The following SGCG variants were observed in gnomAD, a reference collection of about 807,000 sequenced individuals.
The protein encoded by SGCG is gamma-sarcoglycan.
Under a neutral mutation model 29.3 loss-of-function variants are expected in SGCG, and 26 were observed. That is an observed-to-expected ratio of 0.89 (90% CI 0.65 to 1.23). The LOEUF is 1.23. Ranked by LOEUF, SGCG falls within the 50% of genes most tolerant of loss-of-function variation. The pLI is 0.00. For synonymous variants in SGCG, 145 were observed against 129.7 expected, an observed-to-expected ratio of 1.12 and a Z score of -0.80; for missense variants, 353 against 356.0, an observed-to-expected ratio of 0.99 and a Z score of 0.07.
upstream of SGCG, among the ~76,000 whole-genome samples, chr13:23,176,764 T>G (rs1876570722): frequency 1.3e-5 from 2 of 152,204 alleles, no homozygotes; most frequent in Non-Finnish European, 2.9e-5. Context: ...TTATTCCTGC[T>G]ATTTTATTAA....
At chr13:23,165,568 T>C in the SGCG span, among the ~76,000 whole-genome samples, 1 of 150,908 alleles carries the variant, frequency 6.6e-6, no homozygotes, top group Non-Finnish European at 1.5e-5. Flanking sequence ...TCTGTTGCCC[T>C]GGCTGGAGTG....
At chr13:23,173,840 A>C in the SGCG span, among the ~76,000 whole-genome samples, 1 of 152,190 alleles carries the variant, frequency 6.6e-6, no homozygotes, top group African/African-American at 2.4e-5. Context: ...AATAATATTA[A>C]TTTTACCAAA....
chr13:23,263,942 C>G (rs567974559), intron 4 of SGCG, among the ~76,000 whole-genome samples: 1 of 151,940 alleles, frequency 6.6e-6, no homozygotes, highest in Non-Finnish European at 1.5e-5. Flanking sequence ...TAATAGAAGC[C>G]ATATATGACA....
chr13:23,263,460 A>G (rs1348121479), intron 4 of SGCG, among the ~76,000 whole-genome samples: 1 of 152,100 alleles, frequency 6.6e-6, no homozygotes, highest in African/African-American at 2.4e-5. Flanking sequence ...GACCAATAAC[A>G]AGCAATGAGA....
At chr13:23,239,528 C>T (rs1451704706) in intron 3 of SGCG, among the ~76,000 whole-genome samples, 2 of 152,070 alleles carry the variant, frequency 1.3e-5, no homozygotes, top group African/African-American at 2.4e-5. Flanking sequence ...TCTAGATGTT[C>T]ACCAGAAAAA....
chr13:23,211,795 A>G lies in SGCG; in HGVS notation c.195+7906A>G, dbSNP rs561700052. On this transcript the variant is annotated intron_variant, in intron 2 of 7. Coordinates refer to ENST00000218867, the MANE Select transcript of SGCG (RefSeq NM_000231.3). ...TTCTCTCTTGCTTCAGTGTTTTGGT[A>G]TATGCTCTTCTCTCTATCTAGAGCA... is the stretch of plus-strand genomic sequence containing the variant. Among the ~76,000 whole-genome samples, 12 of 152,212 alleles carry G rather than the reference A, an allele frequency of 7.9e-5. No individual in the cohort carries two copies. In the East Asian group the frequency reaches 2.3e-3, roughly 29 times the overall value.
chr13:23,223,308 T>G (rs1312738715), intron 2 of SGCG, among the ~76,000 whole-genome samples: 1 of 142,324 alleles, frequency 7.0e-6, no homozygotes, highest in Non-Finnish European at 1.5e-5. Context: ...AGAGTACAAA[T>G]AGAGGCCCAT....
intron 4 of SGCG, among the ~76,000 whole-genome samples, chr13:23,273,589 A>T (rs1880950225): frequency 6.6e-6 from 1 of 152,120 alleles, no homozygotes; most frequent in South Asian, 2.1e-4. Flanking sequence ...TTCAAGTCAT[A>T]ATTTTCCTTA....
Position 23,234,633 on chromosome 13 carries a change from TA to T in SGCG, c.220del (p.Thr74GlnfsTer38). 1 of 1,611,950 alleles carries T rather than the reference TA, an allele frequency of 6.2e-7. No individual in the cohort carries two copies. The highest frequency in any genetic ancestry group is 1.3e-5 in the African/African-American group (1 of 74,914). On this transcript the variant is annotated frameshift_variant, in exon 3 of 8. Coordinates refer to ENST00000218867, the MANE Select transcript of SGCG (RefSeq NM_000231.3). LOFTEE classifies it high-confidence loss of function. ...CAGGCAGGAATGGGCCACTTGTGTG[TA>T]ACAAAAGATGGACTGCGCTTGGAAG... ...FSPAGMGHLC[V>X]TKDGLRLEGE...
intron 2 of SGCG, among the ~76,000 whole-genome samples, chr13:23,222,963 A>C (rs545620636): frequency 1.2e-4 from 19 of 152,084 alleles, no homozygotes; most frequent in African/African-American, 4.6e-4. Flanking sequence ...TGGGCTTCTC[A>C]ACATTTCGGG....
At chr13:23,187,770 T>C (rs972502849) in intron 1 of SGCG, among the ~76,000 whole-genome samples, 9 of 152,152 alleles carry the variant, frequency 5.9e-5, no homozygotes, top group African/African-American at 2.2e-4. Flanking sequence ...CTCACAGAGC[T>C]CAGGTCATGA....
chr13:23,297,274 A>T (rs1431962507), intron 6 of SGCG, among the ~76,000 whole-genome samples: 2 of 151,672 alleles, frequency 1.3e-5, no homozygotes, highest in African/African-American at 2.4e-5. Context: ...GTTTGCCGAG[A>T]CCAGCTCGGT....
At chr13:23,170,805 G>A in the SGCG span, among the ~76,000 whole-genome samples, 1 of 152,204 alleles carries the variant, frequency 6.6e-6, no homozygotes, top group African/African-American at 2.4e-5. Flanking sequence ...AGTAACCTGA[G>A]AGAGGTAGTG....
intron 4 of SGCG, among the ~76,000 whole-genome samples, chr13:23,273,147 GT>G (rs1299012252): frequency 6.8e-6 from 1 of 147,790 alleles, no homozygotes; most frequent in African/African-American, 2.5e-5. Flanking sequence ...GACTCACTTT[GT>G]TGTTCTATTT....
chr13:23,320,790 T>A (rs1883009250), intron 7 of SGCG, 30 bp downstream of exon 7: 1 of 1,603,676 alleles, frequency 6.2e-7, no homozygotes, highest in Non-Finnish European at 8.5e-7. Context: ...AGCCTCCTAC[T>A]GTATGTCCTG....
At chr13:23,277,864 A>C (rs1445842214) in intron 4 of SGCG, among the ~76,000 whole-genome samples, 1 of 151,818 alleles carries the variant, frequency 6.6e-6, no homozygotes, top group Non-Finnish European at 1.5e-5. Context: ...ACACCCAGCT[A>C]ATTTTTTGTA....
At position 23,311,779 on chromosome 13, in the gene SGCG, T is replaced by C. The variant is rs1172743698; in HGVS notation, c.579-8858T>C. Among the ~76,000 whole-genome samples, 7 of 152,240 alleles carry C rather than the reference T, an allele frequency of 4.6e-5. No homozygotes were observed. In the East Asian group the frequency reaches 1.3e-3, roughly 29 times the overall value. ...GTCACTTTCAACATATTTTCAGTTA[T>C]CTTTCTATCTAATTTCTCAAATTAG... On this transcript the variant is annotated intron_variant, in intron 6 of 7. Transcript: ENST00000218867.
chr13:23,305,642 A>G (rs1451863297), intron 6 of SGCG, among the ~76,000 whole-genome samples: 2 of 152,242 alleles, frequency 1.3e-5, no homozygotes, highest in African/African-American at 2.4e-5. Context: ...CCATTAACCA[A>G]AATGATGTGA....
At chr13:23,295,255 A>G (rs1248686494) in intron 5 of SGCG, among the ~76,000 whole-genome samples, 160 bp from the exon 6 acceptor site, 1 of 152,232 alleles carries the variant, frequency 6.6e-6, no homozygotes, top group Non-Finnish European at 1.5e-5. Context: ...AAGTAGGGAA[A>G]GAGTTGGGCC....
Sources: gnomAD v4.1 joint callset for allele counts (sites outside exome capture counted in the v4.1 genomes callset) on GRCh38, gnomAD v4.1.1 for gene constraint, MANE v1.5 for transcripts, NCBI Gene and HGNC (gene_info 2026-07-23, HGNC 2026-07-21) for gene names.